The following PCDHA11 variants were observed in gnomAD, a reference collection of about 807,000 sequenced individuals.
The protein encoded by PCDHA11 is protocadherin alpha 11, also known as protocadherin alpha-11.
In PCDHA11, 61 loss-of-function variants were observed where a neutral mutation model predicts 70.3. The observed-to-expected ratio is 0.87, with a 90% CI of 0.71 to 1.07. PCDHA11 has a LOEUF of 1.07. Among genes scored for constraint, PCDHA11 ranks in the 50% least tolerant of loss-of-function variants. PCDHA11 has a pLI of 0.00. For missense variants in PCDHA11, 1,324 were observed against 1,237.5 expected, an observed-to-expected ratio of 1.07 and a Z score of -1.05; for synonymous variants, 633 against 555.1, an observed-to-expected ratio of 1.14 and a Z score of -1.97.
At chr5:141,002,220 G>A (rs2098065627) in intron 3 of PCDHA11, among the ~76,000 whole-genome samples, 1 of 152,196 alleles carries the variant, frequency 6.6e-6, no homozygotes. Context: ...TCAAAATGAT[G>A]GGTTTTCTGG....
At chr5:140,907,381 G>T (rs2073350294) in intron 1 of PCDHA11, among the ~76,000 whole-genome samples, 1 of 152,180 alleles carries the variant, frequency 6.6e-6, no homozygotes, top group African/African-American at 2.4e-5. Context: ...TGAGTGCCTT[G>T]GTCAAAGGCA....
chr5:140,946,844 G>A (rs189496185), intron 1 of PCDHA11, among the ~76,000 whole-genome samples: 5 of 151,386 alleles, frequency 3.3e-5, no homozygotes, highest in Non-Finnish European at 5.9e-5. Context: ...CAGTAGTAAG[G>A]AGGAGAGATT....
intron 3 of PCDHA11, among the ~76,000 whole-genome samples, chr5:141,004,397 GA>G (rs2098164833): frequency 6.6e-6 from 1 of 152,188 alleles, no homozygotes; most frequent in African/African-American, 2.4e-5. Context: ...ACATGTGGAG[GA>G]GGCACCTGAC....
In PCDHA11 at chr5:140,870,774, G is replaced by T. The variant is rs782539037; in HGVS notation, c.1671G>T (p.Glu557Asp). The T allele has an allele frequency of 2.9e-5, 47 of 1,613,632 alleles. 1 individual carries two copies. The South Asian group carries it at 3.8e-4, about 13-fold the overall frequency. Residue 557 changes from glutamate to aspartate, a missense_variant, in exon 1 of 4, where the codon GAG becomes GAT. Glu to Asp is a conservative substitution (Grantham distance 45). Coordinates refer to ENST00000398640, the MANE Select transcript of PCDHA11 (RefSeq NM_018902.5). ...NVTLQVFVLD[E>D]NDNAPALLAT... ...CGCTGCAGGTGTTCGTGCTGGACGA[G>T]AACGACAACGCGCCGGCACTGCTGG...
chr5:140,876,154 A>C, intron 1 of PCDHA11: 2 of 1,613,972 alleles, frequency 1.2e-6, no homozygotes, highest in Non-Finnish European at 1.7e-6. Flanking sequence ...GTCTGTCCAG[A>C]TTCAAATAAC....
At chr5:140,922,565 C>G (rs1334011438) in intron 1 of PCDHA11, among the ~76,000 whole-genome samples, 1 of 152,150 alleles carries the variant, frequency 6.6e-6, no homozygotes, top group Non-Finnish European at 1.5e-5. Context: ...GTCAGGATGA[C>G]AAGTTGCCCT....
At chr5:140,892,350 T>C (rs1195187313) in intron 1 of PCDHA11, among the ~76,000 whole-genome samples, 1 of 152,262 alleles carries the variant, frequency 6.6e-6, no homozygotes, top group Non-Finnish European at 1.5e-5. Context: ...AATTGACTTT[T>C]GCCAGGCATC....
intron 1 of PCDHA11, among the ~76,000 whole-genome samples, chr5:140,971,989 T>C (rs1183313679): frequency 1.3e-5 from 2 of 152,170 alleles, no homozygotes; most frequent in African/African-American, 4.8e-5. Context: ...AGACAGAAGT[T>C]CCAATGTTTA....
At chr5:140,888,686 T>C (rs1326536229) in intron 1 of PCDHA11, among the ~76,000 whole-genome samples, 1 of 152,214 alleles carries the variant, frequency 6.6e-6, no homozygotes, top group Non-Finnish European at 1.5e-5. Context: ...AAGAGGTCTC[T>C]CTTCTCTGAT....
chr5:140,952,734 C>T (rs143946641), intron 1 of PCDHA11, among the ~76,000 whole-genome samples: 1 of 152,272 alleles, frequency 6.6e-6, no homozygotes, highest in East Asian at 1.9e-4. Flanking sequence ...CTAGTCTTTT[C>T]TCACACTGCT....
At chr5:140,932,059 AT>A (rs2087988463) in intron 1 of PCDHA11, among the ~76,000 whole-genome samples, 1 of 151,936 alleles carries the variant, frequency 6.6e-6, no homozygotes, top group Non-Finnish European at 1.5e-5. Context: ...AATACTAAAA[AT>A]TATCAGTTTA....
intron 1 of PCDHA11, chr5:140,884,436 G>A (rs782218831): frequency 6.2e-7 from 1 of 1,613,888 alleles, no homozygotes; most frequent in East Asian, 2.2e-5. Flanking sequence ...GCGCTGCGGT[G>A]CTCGGCACCG....
intron 3 of PCDHA11, among the ~76,000 whole-genome samples, chr5:140,998,369 C>T (rs530777656): frequency 1.3e-5 from 2 of 152,210 alleles, no homozygotes; most frequent in South Asian, 2.1e-4. Context: ...CTGCACACAC[C>T]GTCTCTAGAA....
chr5:140,971,698 A>G (rs969936167), intron 1 of PCDHA11, among the ~76,000 whole-genome samples: 16 of 151,980 alleles, frequency 1.1e-4, no homozygotes, highest in Non-Finnish European at 2.2e-4. Context: ...CTCACTAACC[A>G]CCCTGCTATA....
rs782527674 is a variant in PCDHA11 at position 140,876,124 on chromosome 5, G to A, written c.2391+4630G>A. 162 of 1,613,780 alleles carry A rather than the reference G, an allele frequency of 1.0e-4. No individual in the cohort carries two copies. The highest frequency in any genetic ancestry group is 1.3e-4 in the Non-Finnish European group (152 of 1,179,892). ...TTTATTGCTGATGGTAATCGATGGC[G>A]GTAAACCAGAACTAACAGGGTCTGT... On this transcript the variant is annotated intron_variant, in intron 1 of 3. Coordinates refer to ENST00000398640, the MANE Select transcript of PCDHA11 (RefSeq NM_018902.5).
intron 3 of PCDHA11, among the ~76,000 whole-genome samples, chr5:140,983,986 G>A (rs1475891501): frequency 2.0e-5 from 3 of 152,176 alleles, no homozygotes; most frequent in African/African-American, 7.2e-5. Context: ...ACGAGTTGAA[G>A]CAATTCATTA....
chr5:140,989,949 G>A (rs551733184), intron 3 of PCDHA11, among the ~76,000 whole-genome samples: 3 of 152,064 alleles, frequency 2.0e-5, no homozygotes, highest in South Asian at 2.1e-4. Context: ...CGTTTTTCTC[G>A]GTGAGACCAA....
intron 1 of PCDHA11, among the ~76,000 whole-genome samples, chr5:140,960,168 T>C (rs569250147): frequency 9.2e-5 from 14 of 152,300 alleles, no homozygotes; most frequent in African/African-American, 3.1e-4. Flanking sequence ...AATACAATTC[T>C]TAAGTTAGGG....
intron 1 of PCDHA11, among the ~76,000 whole-genome samples, chr5:140,942,271 A>G (rs1421470016): frequency 6.6e-6 from 1 of 152,184 alleles, no homozygotes; most frequent in Non-Finnish European, 1.5e-5. Context: ...AAAGCTGGTA[A>G]TGGTGGCTCA....
Sources: gnomAD v4.1 joint callset for allele counts (sites outside exome capture counted in the v4.1 genomes callset) on GRCh38, gnomAD v4.1.1 for gene constraint, MANE v1.5 for transcripts, NCBI Gene and HGNC (gene_info 2026-07-23, HGNC 2026-07-21) for gene names.